LRFN5: variants seen among roughly 807,000 people sequenced by gnomAD.
LRFN5 encodes leucine-rich repeat and fibronectin type-III domain-containing protein 5.
LRFN5 carries 24 observed loss-of-function variants against 45.6 expected under a neutral mutation model. That is an observed-to-expected ratio of 0.53 (90% CI 0.38 to 0.74). The LOEUF is 0.74. Among genes scored for constraint, LRFN5 ranks in the 30% least tolerant of loss-of-function variants. The probability of loss-of-function intolerance (pLI) is 0.00; values close to 1 mark genes in which losing one functional copy is unlikely to be tolerated. For synonymous variants in LRFN5, 340 were observed against 313.8 expected, an observed-to-expected ratio of 1.08 and a Z score of -0.88; for missense variants, 776 against 861.5, an observed-to-expected ratio of 0.90 and a Z score of 1.24.
At chr14:41,683,016 T>A (rs757166223) in intron 1 of LRFN5, among the ~76,000 whole-genome samples, 1 of 152,068 alleles carries the variant, frequency 6.6e-6, no homozygotes, top group Non-Finnish European at 1.5e-5. Flanking sequence ...ATAAATAAAT[T>A]AATTAAATTA....
intron 2 of LRFN5, among the ~76,000 whole-genome samples, chr14:41,873,712 A>G (rs1210539738): frequency 6.6e-6 from 1 of 152,142 alleles, no homozygotes; most frequent in Non-Finnish European, 1.5e-5. Context: ...TATGAAGAGA[A>G]ATTATTTCCT....
intron 2 of LRFN5, among the ~76,000 whole-genome samples, chr14:41,883,775 A>G (rs993414604): frequency 3.9e-5 from 6 of 152,128 alleles, no homozygotes; most frequent in African/African-American, 1.2e-4. Flanking sequence ...TTTGACGATG[A>G]TGTGTCTTGG....
chr14:41,737,707 A>G (rs1566644921), intron 1 of LRFN5, among the ~76,000 whole-genome samples: 1 of 152,186 alleles, frequency 6.6e-6, no homozygotes, highest in Non-Finnish European at 1.5e-5. Flanking sequence ...TGCACCAATA[A>G]TAGACAAACA....
chr14:41,792,001 C>A (rs962484653), intron 2 of LRFN5, among the ~76,000 whole-genome samples: 2 of 152,036 alleles, frequency 1.3e-5, no homozygotes, highest in African/African-American at 4.8e-5. Context: ...GAATCCGCCC[C>A]CAATATTTCA....
At chr14:41,685,492 G>C (rs1442610849) in intron 1 of LRFN5, among the ~76,000 whole-genome samples, 1 of 152,066 alleles carries the variant, frequency 6.6e-6, no homozygotes, top group East Asian at 1.9e-4. Flanking sequence ...TGTCAATTTT[G>C]GCTTTTTGGC....
chr14:41,766,136 A>G (rs1296709014), intron 1 of LRFN5, among the ~76,000 whole-genome samples: 1 of 152,176 alleles, frequency 6.6e-6, no homozygotes, highest in Non-Finnish European at 1.5e-5. Context: ...GAACGTTTTA[A>G]AAATTCAGCC....
intron 1 of LRFN5, among the ~76,000 whole-genome samples, chr14:41,666,600 G>A (rs1206216104): frequency 3.9e-5 from 6 of 152,074 alleles, no homozygotes. Context: ...GCAAGATAGA[G>A]TTAATTTTCA....
chr14:41,736,041 T>C (rs942146854), intron 1 of LRFN5, among the ~76,000 whole-genome samples: 7 of 152,072 alleles, frequency 4.6e-5, no homozygotes, highest in Non-Finnish European at 1.0e-4. Flanking sequence ...GTCTTTGCTA[T>C]TGTGAATAGT....
chr14:41,627,523 A>T (rs143517875), intron 1 of LRFN5, among the ~76,000 whole-genome samples: 45 of 152,258 alleles, frequency 3.0e-4, no homozygotes, highest in African/African-American at 9.6e-4. Flanking sequence ...TAGCAGCTAT[A>T]CATTTGAGTC....
intron 1 of LRFN5, among the ~76,000 whole-genome samples, chr14:41,761,595 C>T (rs1358991799): frequency 1.3e-5 from 2 of 151,976 alleles, no homozygotes; most frequent in African/African-American, 2.4e-5. Context: ...TTTACATTGT[C>T]AGAGCACAAC....
At chr14:41,890,570 G>C (rs531717424) in intron 3 of LRFN5, among the ~76,000 whole-genome samples, 16 of 151,846 alleles carry the variant, frequency 1.1e-4, no homozygotes, top group African/African-American at 3.9e-4. Flanking sequence ...AGCCGGGCGT[G>C]GTGGCGGGCG....
rs577606387 is a variant in LRFN5 at position 41,770,279 on chromosome 14, G to A, written c.-21+3250G>A. 5.3e-5 allele frequency among the ~76,000 whole-genome samples: 8 copies of A among 152,248 alleles called. No individual in the cohort carries two copies. In the South Asian group the frequency reaches 8.3e-4, roughly 16 times the overall value. On this transcript the variant is annotated intron_variant, in intron 2 of 5. Coordinates refer to ENST00000298119, the MANE Select transcript of LRFN5 (RefSeq NM_152447.5). ...TGGAGGGGATAATCATCCAAACCTTGTCATTCCATCCCTGGCCCCCCCAAA... is the reference window on the plus strand; with the variant it reads ...TGGAGGGGATAATCATCCAAACCTTATCATTCCATCCCTGGCCCCCCCAAA...
At chr14:41,853,306 T>A (rs1424208433) in intron 2 of LRFN5, among the ~76,000 whole-genome samples, 1 of 152,138 alleles carries the variant, frequency 6.6e-6, no homozygotes, top group East Asian at 1.9e-4. Context: ...ATACAATAAG[T>A]GGAACATTGT....
At chr14:41,735,635 T>C (rs989139604) in intron 1 of LRFN5, among the ~76,000 whole-genome samples, 1 of 152,166 alleles carries the variant, frequency 6.6e-6, no homozygotes, top group African/African-American at 2.4e-5. Flanking sequence ...CTTTAAATTC[T>C]GGGATACATA....
chr14:41,643,282 A>G (rs955344917), intron 1 of LRFN5, among the ~76,000 whole-genome samples: 3 of 152,202 alleles, frequency 2.0e-5, no homozygotes, highest in Non-Finnish European at 4.4e-5. Flanking sequence ...AATAAAGCTG[A>G]CTAAATAATA....
intron 2 of LRFN5, among the ~76,000 whole-genome samples, chr14:41,775,376 C>G (rs1450953895): frequency 6.6e-6 from 1 of 152,022 alleles, no homozygotes; most frequent in Admixed American, 6.6e-5. Context: ...GGCAAGCCAC[C>G]GCACCCGGCA....
intron 5 of LRFN5, among the ~76,000 whole-genome samples, chr14:41,900,666 A>G (rs1891075209): frequency 1.3e-5 from 2 of 152,140 alleles, no homozygotes; most frequent in Admixed American, 6.6e-5. Flanking sequence ...TACATCACTC[A>G]CTTATTAGCC....
At chr14:41,902,781 C>A (rs933239810) in intron 5 of LRFN5, among the ~76,000 whole-genome samples, 3 of 151,530 alleles carry the variant, frequency 2.0e-5, no homozygotes, top group Non-Finnish European at 4.4e-5. Context: ...GTAACTTGAC[C>A]TTTGATATAG....
At chr14:41,674,681 A>G (rs1426655899) in intron 1 of LRFN5, among the ~76,000 whole-genome samples, 37 of 120,190 alleles carry the variant, frequency 3.1e-4, no homozygotes, top group South Asian at 9.6e-4. Flanking sequence ...CCCGGATGGG[A>G]CGGCTGGCTG....
Sources: gnomAD v4.1 joint callset for allele counts (sites outside exome capture counted in the v4.1 genomes callset) on GRCh38, gnomAD v4.1.1 for gene constraint, MANE v1.5 for transcripts, NCBI Gene and HGNC (gene_info 2026-07-23, HGNC 2026-07-21) for gene names.